Variants in LSS observed in about 807,000 individuals in gnomAD.
LSS encodes the protein lanosterol synthase, also known as 2,3-epoxysqualene-lanosterol cyclase.
In LSS, 90 loss-of-function variants were observed where a neutral mutation model predicts 110.3. The ratio of observed to expected loss-of-function variants is 0.82; its 90% CI spans 0.69 to 0.97. The LOEUF is 0.97. Ranked by LOEUF, LSS falls within the 50% of genes least tolerant of loss-of-function variation. LSS has a pLI of 0.00. For synonymous variants in LSS, 433 were observed against 400.0 expected (o/e 1.08, Z -0.98); for missense variants, 927 against 990.0 (o/e 0.94, Z 0.85).
Position 46,208,275 on chromosome 21 carries a change from C to T in LSS, c.1293G>A (p.Gln431=), listed in dbSNP as rs1252537928. The change falls in exon 14 of 22, where the codon CAG becomes CAA. Residue 431 remains glutamine, a synonymous_variant. Coordinates refer to ENST00000397728, the MANE Select transcript of LSS (RefSeq NM_002340.6). ...CCTTGCGCATCTGGCGGTAGTACTT[C>T]TGGTAGTCGGGAGGGTTATCTGGGA... ...SQVPDNPPDY[Q]KYYRQMRKGG... is the part of the protein sequence containing the mutation. 3.9e-6 allele frequency: 6 copies of T among 1,552,638 alleles called. No homozygotes were observed. Among genetic ancestry groups the T allele is most frequent in the Non-Finnish European group, 5.2e-6 (6 of 1,147,616 alleles).
At chr21:46,202,941 G>A (rs2079998334) in intron 17 of LSS, among the ~76,000 whole-genome samples, 1 of 152,164 alleles carries the variant, frequency 6.6e-6, no homozygotes, top group Non-Finnish European at 1.5e-5. Flanking sequence ...GAGGAAGCCC[G>A]CGATTAAGTC....
chr21:46,217,699 G>A (rs931731738), intron 6 of LSS, among the ~76,000 whole-genome samples: 20 of 152,262 alleles, frequency 1.3e-4, no homozygotes, highest in African/African-American at 4.3e-4. Flanking sequence ...AGCACTGACC[G>A]ACGGCCCCCC....
chr21:46,190,865 C>T lies in LSS; in HGVS notation c.*239G>A. On this transcript the variant is annotated 3_prime_UTR_variant, in exon 22 of 22. Coordinates refer to ENST00000397728, the MANE Select transcript of LSS (RefSeq NM_002340.6). This position sits in a 1 kb window ranked among gnomAD's most constrained non-coding sequence, Gnocchi z 4.6. ...TCAGGGGTCACGGCTCCTGTGCCCC[C>T]TTCCTCACCCAAGCCCGACAAGCTA... 1.9e-6 allele frequency: 1 copy of T among 535,574 alleles called. No individual in the cohort carries two copies. Among genetic ancestry groups the T allele is most frequent in the Non-Finnish European group, 3.3e-6 (1 of 306,898 alleles). The allele number at this position is 535,574 out of a possible 1,614,324, so 33.2% of individuals were successfully genotyped here. A position where few individuals can be genotyped will look rare whatever the true frequency, so the allele number is the denominator to read the frequency against.
At position 46,227,596 on chromosome 21, in the gene LSS, C is replaced by T. The variant is rs760342310; in HGVS notation, c.275G>A (p.Gly92Glu). The part of the protein sequence containing the change: ...TFYVGLQAED[G>E]HWTGDYGGPL... ...GCCACCATAATCACCCGTCCAGTGCCCATCCTCAGCCTGCAGCCCCACGTA... is the reference window on the plus strand; with the variant it reads ...GCCACCATAATCACCCGTCCAGTGCTCATCCTCAGCCTGCAGCCCCACGTA... The change falls in exon 3 of 22, where the codon GGG becomes GAG. Residue 92 changes from glycine (G) to glutamate (E), a missense_variant. Transcript: ENST00000397728. The T allele has an allele frequency of 6.2e-7, 1 of 1,613,930 alleles. No homozygotes were observed. Among genetic ancestry groups the T allele is most frequent in the South Asian group, 1.1e-5 (1 of 91,092 alleles).
At position 46,228,767 on chromosome 21, in the gene LSS, C is replaced by A; in HGVS notation, c.-22G>T. ...TCATTGCTGCTGCAGTGCTCTACGC[C>A]GCCCACTGCCAGCTGCCAGATGTCC... On this transcript the variant is annotated 5_prime_UTR_variant, in exon 1 of 22. Transcript: ENST00000397728. 1 of 1,585,910 alleles carries A rather than the reference C, an allele frequency of 6.3e-7. No homozygotes were observed. Among genetic ancestry groups the A allele is most frequent in the East Asian group, 2.3e-5 (1 of 43,372 alleles).
rs932706044 is a variant in LSS, at chr21:46,192,095, G to T, written c.1989-136C>A. 1.8e-5 allele frequency: 13 copies of T among 706,560 alleles called. No homozygotes were observed. In the African/African-American group the frequency reaches 1.9e-4, roughly 10 times the overall value. The allele number at this position is 706,560 out of a possible 1,614,324, so 43.8% of individuals were successfully genotyped here. A position where few individuals can be genotyped will look rare whatever the true frequency, so the allele number is the denominator to read the frequency against. ...GGATGGGTCTAAACTGACGCCCACA[G>T]GCCCCGCCAGGTGCAGCCAGCGCCT... is the stretch of plus-strand genomic sequence containing the variant. On this transcript the variant is annotated intron_variant, in intron 20 of 21. Transcript: ENST00000397728.
intron 15 of LSS, 55 bp from the exon 16 acceptor site, chr21:46,206,823 G>T (rs555492945): frequency 7.5e-7 from 1 of 1,334,324 alleles, no homozygotes; most frequent in Non-Finnish European, 1.1e-6. Context: ...ACACACAGGC[G>T]CCCAGGGCAC....
chr21:46,195,248 T>A (rs768283202), intron 19 of LSS, among the ~76,000 whole-genome samples: 2 of 152,158 alleles, frequency 1.3e-5, no homozygotes, highest in East Asian at 1.9e-4. Flanking sequence ...CAGGGAAACA[T>A]CTTCATTTCA....
intron 12 of LSS, among the ~76,000 whole-genome samples, chr21:46,210,031 C>G (rs1224422205): frequency 1.3e-5 from 2 of 151,306 alleles, no homozygotes; most frequent in East Asian, 3.9e-4. Flanking sequence ...CCAGTACTGG[C>G]TCGAGAATGC....
intron 20 of LSS, chr21:46,192,773 T>G (rs563948062): frequency 2.2e-6 from 1 of 446,062 alleles, no homozygotes; most frequent in Non-Finnish European, 4.5e-6. Flanking sequence ...CAGGTGCCTG[T>G]GCATGTGTAC....
chr21:46,226,107 G>T (rs1434599040), intron 3 of LSS, among the ~76,000 whole-genome samples: 1 of 149,098 alleles, frequency 6.7e-6, no homozygotes. Flanking sequence ...TTGCACTCCA[G>T]CCTGGGGAAC....
intron 6 of LSS, among the ~76,000 whole-genome samples, chr21:46,217,258 GA>G (rs1185218764): frequency 5.7e-5 from 7 of 121,910 alleles, no homozygotes; most frequent in Non-Finnish European, 1.0e-4. Flanking sequence ...AAAAAAAAAA[GA>G]AAAGAAAAAG....
rs1415622349 is a variant in LSS at position 46,205,830 on chromosome 21, C to T, written c.1670+6G>A. ...GCCCACACTGAATGGCTGAGACCCT[C>T]CTTACCGGATCTCCGCTGCCCTGTG... On this transcript the variant is annotated splice_donor_region_variant and intron_variant, in intron 17 of 21. Transcript: ENST00000397728. The T allele has an allele frequency of 6.3e-7, 1 of 1,594,988 alleles. No individual in the cohort carries two copies. Among genetic ancestry groups the T allele is most frequent in the Non-Finnish European group, 8.5e-7 (1 of 1,170,366 alleles).
Position 46,196,339 on chromosome 21 carries a change from C to T in LSS, c.1671-72G>A, listed in dbSNP as rs191927588. ...TTACCTATCCCAATTCCATCCTTTC[C>T]AGGGTCTCAAAAGAATGAGAATGGT... is the stretch of plus-strand genomic sequence containing the variant. On this transcript the variant is annotated intron_variant, in intron 17 of 21. Transcript: ENST00000397728. 1,117 of 1,248,114 alleles carry T rather than the reference C, an allele frequency of 8.9e-4. 6 individuals carry two copies. Among genetic ancestry groups the T allele is most frequent in the Middle Eastern group, 4.1e-3 (22 of 5,378 alleles). The allele number at this position is 1,248,114 out of a possible 1,614,324, so 77.3% of individuals were successfully genotyped here. A position where few individuals can be genotyped will look rare whatever the true frequency, so the allele number is the denominator to read the frequency against.
At chr21:46,228,331 C>T in intron 2 of LSS, 103 bp downstream of exon 2, 1 of 1,362,516 alleles carries the variant, frequency 7.3e-7, no homozygotes, top group Non-Finnish European at 9.8e-7. Context: ...GGATGGGCGT[C>T]GCTGGCCGGG....
At chr21:46,205,793 C>T (rs779658346) in intron 17 of LSS, 43 bp downstream of exon 17, 4 of 1,500,116 alleles carry the variant, frequency 2.7e-6, no homozygotes, top group South Asian at 2.4e-5. Context: ...TCTTGGCCCC[C>T]GACTTGGCAG....
chr21:46,225,388 G>T (rs779408000), intron 3 of LSS: 5 of 453,160 alleles, frequency 1.1e-5, no homozygotes, highest in Admixed American at 7.1e-5. Context: ...GGACCCAACC[G>T]TGGTCTAGCG....
chr21:46,223,018 G>C (rs973007423), intron 3 of LSS, among the ~76,000 whole-genome samples: 4 of 152,196 alleles, frequency 2.6e-5, no homozygotes, highest in Non-Finnish European at 5.9e-5. Flanking sequence ...AGAAACACCA[G>C]ACACTGCACA....
rs1230924078 is a variant in LSS, at chr21:46,189,330, GT to G, written c.*1773del. The G allele has an allele frequency of 2.9e-5, 8 of 275,744 alleles. No individual in the cohort carries two copies. The East Asian group carries it at 9.1e-4, about 31-fold the overall frequency. 17.1% of individuals were successfully genotyped at this position (275,744 alleles called of 1,614,324 possible). A position where few individuals can be genotyped will look rare whatever the true frequency, so the allele number is the denominator to read the frequency against. Reference sequence around the variant, plus strand: ...ACTGTCTGTCCTGCTGCTACCCCACGTGGGGGAGAACACGTGGGCTGAGAAA... The same window carrying G: ...ACTGTCTGTCCTGCTGCTACCCCACGGGGGGAGAACACGTGGGCTGAGAAA... On this transcript the variant is annotated 3_prime_UTR_variant, in exon 22 of 22. Coordinates refer to ENST00000397728, the MANE Select transcript of LSS (RefSeq NM_002340.6).
Sources: gnomAD v4.1 joint callset for allele counts (sites outside exome capture counted in the v4.1 genomes callset) on GRCh38, gnomAD v4.1.1 for gene constraint, Gnocchi (gnomAD v3.1) non-coding constraint, MANE v1.5 for transcripts, NCBI Gene and HGNC (gene_info 2026-07-23, HGNC 2026-07-21) for gene names.